Variants in EPHA6 observed in about 807,000 individuals in gnomAD.
The protein encoded by EPHA6 is EPH receptor A6.
EPHA6 carries 50 observed loss-of-function variants against 112.0 expected under a neutral mutation model. The observed-to-expected ratio is 0.45, with a 90% CI of 0.36 to 0.56. The LOEUF is 0.56. Among genes scored for constraint, EPHA6 ranks in the 20% least tolerant of loss-of-function variants. EPHA6 has a pLI of 0.00. For missense variants in EPHA6, 1,280 were observed against 1,417.4 expected (o/e 0.90, Z 1.56); for synonymous variants, 529 against 490.7 (o/e 1.08, Z -1.03).
intron 3 of EPHA6, among the ~76,000 whole-genome samples, chr3:97,006,143 C>T (rs6803699): frequency 0.17 from 25,706 of 152,068 alleles, 2,866 homozygotes; most frequent in Middle Eastern, 0.26. Flanking sequence ...AAATGAGTTA[C>T]GGAGGAGTTC....
At chr3:97,656,143 C>T (rs2094136772) in intron 14 of EPHA6, among the ~76,000 whole-genome samples, 1 of 151,788 alleles carries the variant, frequency 6.6e-6, no homozygotes, top group African/African-American at 2.4e-5. Flanking sequence ...GGCAGAGTTC[C>T]AAGGTAGCCT....
chr3:97,644,009 C>G (rs1013608824), intron 14 of EPHA6, among the ~76,000 whole-genome samples: 29 of 151,606 alleles, frequency 1.9e-4, no homozygotes, highest in South Asian at 1.9e-3. Context: ...CACACCACAC[C>G]TATTCCAAAC....
At chr3:96,970,268 A>AAAC (rs2042267477) in intron 2 of EPHA6, among the ~76,000 whole-genome samples, 1 of 120,888 alleles carries the variant, frequency 8.3e-6, no homozygotes, top group Non-Finnish European at 1.7e-5. Flanking sequence ...CACACACACA[A>AAAC]ACACACACAC....
chr3:97,175,109 T>G (rs2076801717), intron 3 of EPHA6, among the ~76,000 whole-genome samples: 1 of 151,990 alleles, frequency 6.6e-6, no homozygotes, highest in Non-Finnish European at 1.5e-5. Context: ...TTCATTATTT[T>G]GCATGTGGAT....
At chr3:97,462,833 C>T (rs538828969) in intron 7 of EPHA6, among the ~76,000 whole-genome samples, 1 of 152,230 alleles carries the variant, frequency 6.6e-6, no homozygotes, top group Admixed American at 6.5e-5. Context: ...AGTTATCTGA[C>T]AGACAAACAG....
intron 3 of EPHA6, among the ~76,000 whole-genome samples, chr3:97,115,368 GAA>G (rs144338280): frequency 5.4e-4 from 82 of 151,408 alleles, no homozygotes; most frequent in African/African-American, 1.9e-3. Context: ...CCAGGTGAAA[GAA>G]AAAAAATGTA....
At chr3:97,492,990 TTG>T (rs1183316308) in intron 10 of EPHA6, among the ~76,000 whole-genome samples, 63 of 149,920 alleles carry the variant, frequency 4.2e-4, no homozygotes, top group African/African-American at 1.6e-3. Context: ...TTTTTTTTTT[TTG>T]ATGTGAATGT....
chr3:97,021,917 TATC>T lies in EPHA6; in HGVS notation c.1114+33927_1114+33929del, dbSNP rs1366623119. ...TTCATTACTCAGGTGTTATTTCTAA[TATC>T]ATTTCCTTGGAGAGTTCTCCCTCAA... is the stretch of plus-strand genomic sequence containing the variant. On this transcript the variant is annotated intron_variant, in intron 3 of 17. Coordinates refer to ENST00000389672, the MANE Select transcript of EPHA6 (RefSeq NM_001080448.3). Among the ~76,000 whole-genome samples, 5 of 152,234 alleles carry T rather than the reference TATC, an allele frequency of 3.3e-5. No individual in the cohort carries two copies. In the East Asian group the frequency reaches 5.8e-4, roughly 18 times the overall value.
At chr3:97,678,311 G>C (rs2031574398) in intron 14 of EPHA6, among the ~76,000 whole-genome samples, 1 of 152,122 alleles carries the variant, frequency 6.6e-6, no homozygotes, top group South Asian at 2.1e-4. Flanking sequence ...CTTCATTTTT[G>C]GTTAACAGTA....
At chr3:97,547,362 G>T (rs780064709) in intron 11 of EPHA6, among the ~76,000 whole-genome samples, 4 of 152,150 alleles carry the variant, frequency 2.6e-5, no homozygotes, top group Admixed American at 2.6e-4. Context: ...TTTCAGCAGC[G>T]GTGGCTACCG....
intron 10 of EPHA6, among the ~76,000 whole-genome samples, chr3:97,503,455 T>C (rs568187368): frequency 9.2e-5 from 14 of 152,352 alleles, no homozygotes; most frequent in Admixed American, 2.6e-4. Flanking sequence ...AGCCTCTTTT[T>C]CTGCTCAGTT....
chr3:96,929,204 T>A (rs1030093024), intron 2 of EPHA6, among the ~76,000 whole-genome samples: 3 of 152,244 alleles, frequency 2.0e-5, no homozygotes, highest in South Asian at 4.1e-4. Flanking sequence ...ATTCTGTGTC[T>A]TTTAATCGGG....
chr3:97,607,006 C>T (rs570261768), intron 12 of EPHA6, among the ~76,000 whole-genome samples: 114 of 151,072 alleles, frequency 7.5e-4, no homozygotes, highest in African/African-American at 2.6e-3. Context: ...AACTGAATGA[C>T]TTAAATCTGT....
In EPHA6 at chr3:97,155,566, C is replaced by CT. The variant is rs1449595896; in HGVS notation, c.1115-70696dup. Among the ~76,000 whole-genome samples, 8 of 152,274 alleles carry CT rather than the reference C, an allele frequency of 5.3e-5. No individual in the cohort carries two copies. The South Asian group carries it at 6.2e-4, about 12-fold the overall frequency. Reference sequence around the variant, plus strand: ...TCTTTTTACCCCAGATCCAGGTTGACTTGACTGACATCATTGTTCTGAGTT... The same window carrying CT: ...TCTTTTTACCCCAGATCCAGGTTGACTTTGACTGACATCATTGTTCTGAGTT... On this transcript the variant is annotated intron_variant, in intron 3 of 17. Coordinates refer to ENST00000389672, the MANE Select transcript of EPHA6 (RefSeq NM_001080448.3).
chr3:97,299,098 A>C lies in EPHA6; in HGVS notation c.1606+54811A>C, dbSNP rs572781490. Among the ~76,000 whole-genome samples the C allele has an allele frequency of 3.2e-4, 48 of 152,098 alleles. 1 individual carries two copies. Among genetic ancestry groups the C allele is most frequent in the Admixed American group, 3.1e-3 (47 of 15,274 alleles). On this transcript the variant is annotated intron_variant, in intron 5 of 17. Coordinates refer to ENST00000389672, the MANE Select transcript of EPHA6 (RefSeq NM_001080448.3). ...TGTTTACAAAATAGAATGTTTCTGGATTTATAATGATATAGTCTACCAAAC... is the reference window on the plus strand; with the variant it reads ...TGTTTACAAAATAGAATGTTTCTGGCTTTATAATGATATAGTCTACCAAAC...
intron 3 of EPHA6, among the ~76,000 whole-genome samples, chr3:97,117,666 T>C (rs1394447709): frequency 6.6e-6 from 1 of 151,734 alleles, no homozygotes; most frequent in Non-Finnish European, 1.5e-5. Flanking sequence ...GTTGTGTTTC[T>C]TTGGTCTATA....
intron 12 of EPHA6, among the ~76,000 whole-genome samples, chr3:97,593,888 G>T (rs2093565510): frequency 1.3e-5 from 2 of 152,144 alleles, no homozygotes; most frequent in Non-Finnish European, 2.9e-5. Context: ...CGAGTTAAAA[G>T]ATTGTAAATT....
chr3:97,004,068 A>G (rs527566775), intron 3 of EPHA6, among the ~76,000 whole-genome samples: 2 of 152,158 alleles, frequency 1.3e-5, no homozygotes, highest in Non-Finnish European at 2.9e-5. Flanking sequence ...GTTTGGTTCC[A>G]TGTCTTTGCT....
At chr3:97,553,846 A>C (rs2093064530) in intron 11 of EPHA6, among the ~76,000 whole-genome samples, 1 of 152,146 alleles carries the variant, frequency 6.6e-6, no homozygotes, top group African/African-American at 2.4e-5. Flanking sequence ...CCCAAAAGGA[A>C]GGTAATTGAT....
Sources: allele counts gnomAD v4.1 joint callset (sites outside exome capture counted in the v4.1 genomes callset), GRCh38; gene constraint gnomAD v4.1.1; transcripts MANE v1.5; gene names NCBI Gene and HGNC (gene_info 2026-07-23, HGNC 2026-07-21).